The following ARHGEF12 variants were observed in gnomAD, a reference collection of about 807,000 sequenced individuals.
ARHGEF12 encodes Rho guanine nucleotide exchange factor 12.
A neutral mutation model predicts 211.2 loss-of-function variants in ARHGEF12; 66 were observed. The ratio of observed to expected loss-of-function variants is 0.31; its 90% confidence interval spans 0.26 to 0.38. The LOEUF is 0.38. Among genes scored for constraint, ARHGEF12 ranks in the 10% least tolerant of loss-of-function variants. ARHGEF12 has a pLI of 1.00. For synonymous variants in ARHGEF12, 592 were observed against 638.4 expected, an observed-to-expected ratio of 0.93 and a Z score of 1.09; for missense variants, 1,429 against 1,869.5, an observed-to-expected ratio of 0.76 and a Z score of 4.34.
intron 21 of ARHGEF12, 43 bp from the exon 22 acceptor site, chr11:120,451,469 A>C (rs576311394): frequency 6.3e-7 from 1 of 1,596,230 alleles, no homozygotes; most frequent in African/African-American, 1.3e-5. Flanking sequence ...GAGCCACCGC[A>C]CCCAGCCGCA....
At chr11:120,471,136 TA>T (rs1270241942) in intron 30 of ARHGEF12, among the ~76,000 whole-genome samples, 1 of 152,226 alleles carries the variant, frequency 6.6e-6, no homozygotes, top group African/African-American at 2.4e-5. Context: ...AAGATAAAGA[TA>T]TACCCACAAA....
intron 23 of ARHGEF12, 158 bp from the exon 24 acceptor site, chr11:120,457,563 T>C: frequency 2.0e-6 from 1 of 511,496 alleles, no homozygotes; most frequent in Non-Finnish European, 3.2e-6. Flanking sequence ...AGAAAGGTAC[T>C]CAAATTTTCT....
At chr11:120,437,900 A>C (rs1945743554) in intron 12 of ARHGEF12, among the ~76,000 whole-genome samples, 1 of 152,234 alleles carries the variant, frequency 6.6e-6, no homozygotes, top group Non-Finnish European at 1.5e-5. Flanking sequence ...AGCATGTGTC[A>C]GAATTTCCGT....
chr11:120,342,960 A>C (rs1349989034), intron 1 of ARHGEF12, among the ~76,000 whole-genome samples: 1 of 152,182 alleles, frequency 6.6e-6, no homozygotes, highest in Non-Finnish European at 1.5e-5. Context: ...CGTTATCTTA[A>C]ATTGTAGGTC....
In ARHGEF12 at chr11:120,459,248, A is replaced by G; in HGVS notation, c.2455A>G (p.Arg819Gly). The change falls in exon 26 of 41, where the codon AGA (arginine) becomes GGA (glycine). Residue 819 changes from arginine to glycine, a missense_variant. By Grantham distance (125) the Arg-to-Gly change is moderately radical. Transcript: ENST00000397843. The stretch of plus-strand genomic sequence containing the variant: ...TCAAGTGTTCTATCAGCGAGTATCC[A>G]GAGAAGGAATTCTGTCACCCTCAGA... ...LDQVFYQRVSREGILSPSELR... is the reference protein window; with the variant it reads ...LDQVFYQRVSGEGILSPSELR... 2 of 1,613,772 alleles carry G rather than the reference A, an allele frequency of 1.2e-6. No individual in the cohort carries two copies. The highest frequency in any genetic ancestry group is 1.7e-6 in the Non-Finnish European group (2 of 1,179,838).
Position 120,431,760 on chromosome 11 carries a change from A to G in ARHGEF12, c.784-11A>G, listed in dbSNP as rs765745537. The stretch of plus-strand genomic sequence containing the variant: ...GTTTGTGTGCGCGTGTTTTTCTTTC[A>G]TCTGTTTTAGGATGGAGCTGTAGTT... On this transcript the variant is annotated splice_polypyrimidine_tract_variant and intron_variant, in intron 10 of 40. Coordinates refer to ENST00000397843, the MANE Select transcript of ARHGEF12 (RefSeq NM_015313.3). 2 of 1,559,692 alleles carry G rather than the reference A, an allele frequency of 1.3e-6. No homozygotes were observed. The highest frequency in any genetic ancestry group is 2.3e-5 in the East Asian group (1 of 44,030).
At chr11:120,482,631 G>C (rs1947281051) in intron 39 of ARHGEF12, among the ~76,000 whole-genome samples, 1 of 151,832 alleles carries the variant, frequency 6.6e-6, no homozygotes, top group South Asian at 2.1e-4. Flanking sequence ...TGTAGTCCCA[G>C]CTACTCAGGA....
chr11:120,337,680 T>G, intron 1 of ARHGEF12: 2 of 985,442 alleles, frequency 2.0e-6, no homozygotes, highest in Non-Finnish European at 2.4e-6. Flanking sequence ...TCAAGACAAT[T>G]ACATTTTAGG....
At position 120,388,412 on chromosome 11, in the gene ARHGEF12, A is replaced by G. The variant is rs114149678; in HGVS notation, c.33-17706A>G. ...TGTTTCAAGTTTTAGACTATTAGGA[A>G]TAAGTTTGCTTTGGACATTCATGTA... is the stretch of plus-strand genomic sequence containing the variant. On this transcript the variant is annotated intron_variant, in intron 1 of 40. Transcript: ENST00000397843. Among the ~76,000 whole-genome samples, 1,329 of 152,298 alleles carry G rather than the reference A, an allele frequency of 8.7e-3. 22 individuals carry two copies. The highest frequency in any genetic ancestry group is 0.03 in the African/African-American group (1,247 of 41,558).
chr11:120,443,401 T>C (rs1211421654), intron 15 of ARHGEF12, among the ~76,000 whole-genome samples: 1 of 152,196 alleles, frequency 6.6e-6, no homozygotes, highest in Non-Finnish European at 1.5e-5. Context: ...GATCTTACTC[T>C]AACAATTATC....
intron 1 of ARHGEF12, among the ~76,000 whole-genome samples, chr11:120,347,435 T>G (rs1323996303): frequency 1.3e-5 from 2 of 151,970 alleles, no homozygotes; most frequent in Non-Finnish European, 2.9e-5. Flanking sequence ...TCTTAATGGC[T>G]CCAAGTCTTC....
intron 4 of ARHGEF12, among the ~76,000 whole-genome samples, chr11:120,413,668 TAATC>T (rs1944948163): frequency 6.6e-6 from 1 of 152,214 alleles, no homozygotes; most frequent in Non-Finnish European, 1.5e-5. Flanking sequence ...AGAAGCTTCT[TAATC>T]AAAGGATTAT....
intron 24 of ARHGEF12, 125 bp from the exon 25 acceptor site, chr11:120,457,955 A>G (rs1591618529): frequency 8.1e-7 from 1 of 1,237,916 alleles, no homozygotes; most frequent in East Asian, 2.5e-5. Context: ...GTAGGAGAGG[A>G]TGAAATTTCA....
Position 120,480,223 on chromosome 11 carries a change from G to C in ARHGEF12, c.4030G>C (p.Ala1344Pro). ...SFAPRDSVGL[A>P]PQDSQASNIL... ...TGCTCCACGGGATTCAGTGGGACTGGCACCCCAGGATAGCCAGGCAAGTAA... is the reference window on the plus strand; with the variant it reads ...TGCTCCACGGGATTCAGTGGGACTGCCACCCCAGGATAGCCAGGCAAGTAA... The change falls in exon 38 of 41, where the codon GCA (alanine) becomes CCA (proline). Residue 1344 changes from alanine to proline, a missense_variant. Transcript: ENST00000397843. The C allele has an allele frequency of 6.2e-7, 1 of 1,614,188 alleles. No homozygotes were observed. The highest frequency in any genetic ancestry group is 8.5e-7 in the Non-Finnish European group (1 of 1,180,024).
At chr11:120,472,804 G>A (rs1378595721) in intron 30 of ARHGEF12, among the ~76,000 whole-genome samples, 11 of 152,112 alleles carry the variant, frequency 7.2e-5, no homozygotes, top group African/African-American at 1.4e-4. Context: ...ACAGGCGCCC[G>A]CCACCATGCC....
chr11:120,407,933 C>A, intron 3 of ARHGEF12, 110 bp downstream of exon 3: 1 of 862,254 alleles, frequency 1.2e-6, no homozygotes, highest in Non-Finnish European at 1.8e-6. Flanking sequence ...TGTTTTAGGA[C>A]TCTCACATTC....
At chr11:120,484,360 CTTTTCTG>C (rs1158785495) in intron 39 of ARHGEF12, 71 bp from the exon 40 acceptor site, 1 of 1,349,792 alleles carries the variant, frequency 7.4e-7, no homozygotes, top group Non-Finnish European at 1.0e-6. Context: ...AAAAGGGCTT[CTTTTCTG>C]TTTTCTGAAG....
chr11:120,480,470 A>G, intron 38 of ARHGEF12, 40 bp downstream of exon 38: 4 of 1,556,396 alleles, frequency 2.6e-6, no homozygotes, highest in Non-Finnish European at 3.5e-6. Flanking sequence ...TTTGATTTTG[A>G]TCATTGTTAA....
intron 31 of ARHGEF12, 111 bp downstream of exon 31, chr11:120,473,238 C>T (rs1207891933): frequency 6.7e-6 from 6 of 899,342 alleles, no homozygotes; most frequent in East Asian, 2.7e-5. Context: ...GTTCTTGTAT[C>T]GTAGATTATC....
Sources: allele counts gnomAD v4.1 joint callset (sites outside exome capture counted in the v4.1 genomes callset), GRCh38; gene constraint gnomAD v4.1.1; transcripts MANE v1.5; gene names NCBI Gene and HGNC (gene_info 2026-07-23, HGNC 2026-07-21).